The following HIVEP3 variants were observed in gnomAD, a reference collection of about 807,000 sequenced individuals.
The protein encoded by HIVEP3 is HIVEP zinc finger 3, also known as transcription factor HIVEP3.
HIVEP3 carries 49 observed loss-of-function variants against 152.8 expected under a neutral mutation model. The observed-to-expected ratio is 0.32, with a 90% CI of 0.26 to 0.41. The LOEUF is 0.41. Among genes scored for constraint, HIVEP3 ranks in the 10% least tolerant of loss-of-function variants. The pLI, the probability that HIVEP3 is intolerant of heterozygous loss-of-function variation, is 1.00. For missense variants in HIVEP3, 2,790 were observed against 3,103.3 expected (o/e 0.90, Z 2.40); for synonymous variants, 1,269 against 1,289.0 (o/e 0.98, Z 0.33).
Position 41,580,569 on chromosome 1 carries a change from A to C in HIVEP3, c.4229T>G (p.Leu1410Arg), listed in dbSNP as rs1644387053. The C allele has an allele frequency of 1.2e-6, 2 of 1,614,128 alleles. No homozygotes were observed. The highest frequency in any genetic ancestry group is 1.7e-6 in the Non-Finnish European group (2 of 1,180,054). Residue 1410 changes from leucine (L) to arginine (R), a missense_variant, in exon 4 of 9, where the codon CTG becomes CGG. By Grantham distance (102) the Leu-to-Arg change is moderately radical (BLOSUM62 -2). Transcript: ENST00000372583. The part of the protein sequence containing the change: ...VTLPERKGTS[L>R]SSESILSLEG... ...CAGGCTCAAGATACTCTCTGATGAC[A>C]GGGAAGTGCCTTTTCTTTCAGGTAA... is the stretch of plus-strand genomic sequence containing the variant.
Position 41,643,906 on chromosome 1 carries a change from T to TG in HIVEP3, c.-720-14960dup, listed in dbSNP as rs1553242265. Among the ~76,000 whole-genome samples, 39 of 143,602 alleles carry TG rather than the reference T, an allele frequency of 2.7e-4. 1 individual carries two copies. Among genetic ancestry groups the TG allele is most frequent in the Non-Finnish European group, 4.8e-4 (31 of 65,234 alleles). The allele number at this position is 143,602 out of a possible 152,430, so 94.2% of individuals were successfully genotyped here. A position where few individuals can be genotyped will look rare whatever the true frequency, so the allele number is the denominator to read the frequency against. ...TCCCATCCTCTTTTTTTTTTTTTTT[T>TG]GACAGGGTCTGGCTCTGTTGCCTAG... is the stretch of plus-strand genomic sequence containing the variant. On this transcript the variant is annotated intron_variant, in intron 2 of 8. Coordinates refer to ENST00000372583, the MANE Select transcript of HIVEP3 (RefSeq NM_024503.5).
chr1:41,791,328 A>T (rs528997861), intron 1 of HIVEP3, among the ~76,000 whole-genome samples: 3 of 152,324 alleles, frequency 2.0e-5, no homozygotes, highest in African/African-American at 7.2e-5. Flanking sequence ...TTGCTGAAAC[A>T]GAGCATTTTG....
At chr1:41,590,233 G>A (rs1441275160) in intron 3 of HIVEP3, among the ~76,000 whole-genome samples, 2 of 152,266 alleles carry the variant, frequency 1.3e-5, no homozygotes, top group East Asian at 3.8e-4. Context: ...CAAAGAGAGA[G>A]GCCAAGGTCA....
At chr1:41,785,925 GGCAGGGAGGTTGCA>G (rs1260595506) in intron 1 of HIVEP3, among the ~76,000 whole-genome samples, 1 of 152,220 alleles carries the variant, frequency 6.6e-6, no homozygotes, top group African/African-American at 2.4e-5. Flanking sequence ...CAACCCGGGA[GGCAGGGAGGTTGCA>G]GCGAGCCAAG....
chr1:41,666,156 T>TGC (rs1408660526), intron 2 of HIVEP3, among the ~76,000 whole-genome samples: 2 of 152,066 alleles, frequency 1.3e-5, no homozygotes, highest in Non-Finnish European at 2.9e-5. Context: ...TGTGTGTGTG[T>TGC]GCATGTGCAC....
chr1:41,938,688 C>G (rs1645031754), intron 1 of HIVEP3, among the ~76,000 whole-genome samples: 1 of 152,174 alleles, frequency 6.6e-6, no homozygotes, highest in African/African-American at 2.4e-5. Context: ...GCCTGCAGTT[C>G]AAATGCATTT....
intron 1 of HIVEP3, among the ~76,000 whole-genome samples, chr1:41,953,255 G>C (rs1416908351): frequency 6.6e-6 from 1 of 152,306 alleles, no homozygotes; most frequent in Admixed American, 6.5e-5. Context: ...TTATGAGGGA[G>C]GCAGCGGCAG....
At chr1:41,885,303 C>T (rs1416772496) in intron 1 of HIVEP3, among the ~76,000 whole-genome samples, 1 of 152,066 alleles carries the variant, frequency 6.6e-6, no homozygotes, top group African/African-American at 2.4e-5. Flanking sequence ...TAGGGATCCC[C>T]TAGGGCTGCT....
Position 41,513,541 on chromosome 1 carries a change from A to C in HIVEP3, c.5680T>G (p.Ser1894Ala), listed in dbSNP as rs1642513652. ...PGPPHALRAD[S>A]SPILGPQPPD... Reference sequence around the variant, plus strand: ...GGCTGAGGGCCCAGGATGGGTGAGGAGTCTGCCCGCAGTGCATGTGGTGGG... The same window carrying C: ...GGCTGAGGGCCCAGGATGGGTGAGGCGTCTGCCCGCAGTGCATGTGGTGGG... Residue 1894 changes from serine to alanine, a missense_variant, in exon 8 of 9, where the codon TCC becomes GCC. Ser to Ala is a moderately conservative substitution (Grantham distance 99). This residue lies in a region of HIVEP3 where 816 missense variants were observed against 806.5 expected (regional missense o/e 1.01). Transcript: ENST00000372583. 2 of 1,608,516 alleles carry C rather than the reference A, an allele frequency of 1.2e-6. No homozygotes were observed. The highest frequency in any genetic ancestry group is 1.7e-6 in the Non-Finnish European group (2 of 1,178,064).
chr1:41,870,385 C>T (rs1029565039), intron 1 of HIVEP3, among the ~76,000 whole-genome samples: 3 of 152,144 alleles, frequency 2.0e-5, no homozygotes, highest in African/African-American at 7.2e-5. Flanking sequence ...TAAATAATCA[C>T]ACACACAATA....
intron 1 of HIVEP3, among the ~76,000 whole-genome samples, chr1:41,702,722 A>G (rs113165254): frequency 3.5e-4 from 53 of 152,362 alleles, no homozygotes; most frequent in African/African-American, 1.2e-3. Flanking sequence ...GTCTCCCCAC[A>G]GAGTCTAGCA....
intron 3 of HIVEP3, among the ~76,000 whole-genome samples, chr1:41,618,536 G>A (rs1449171572): frequency 1.3e-5 from 2 of 152,092 alleles, no homozygotes; most frequent in Non-Finnish European, 2.9e-5. Context: ...CCATCCTCGG[G>A]CACCACTCAT....
At chr1:41,748,869 C>G (rs1275018632) in intron 1 of HIVEP3, among the ~76,000 whole-genome samples, 1 of 152,194 alleles carries the variant, frequency 6.6e-6, no homozygotes, top group Admixed American at 6.5e-5. Flanking sequence ...AATGGGGATA[C>G]CACTTTCCAT....
intron 1 of HIVEP3, chr1:41,847,556 T>G (rs1300139924): frequency 1.3e-5 from 2 of 152,388 alleles, no homozygotes; most frequent in Non-Finnish European, 2.9e-5. Flanking sequence ...TTCCAAAGTT[T>G]TTGTAACAAG....
chr1:41,770,429 G>A (rs959754481), intron 1 of HIVEP3, among the ~76,000 whole-genome samples: 5 of 152,112 alleles, frequency 3.3e-5, no homozygotes, highest in Admixed American at 1.3e-4. Flanking sequence ...AGCATGGGCC[G>A]GATGTATTGA....
intron 1 of HIVEP3, among the ~76,000 whole-genome samples, chr1:41,800,706 G>C (rs1388480046): frequency 6.6e-6 from 1 of 152,248 alleles, no homozygotes; most frequent in Non-Finnish European, 1.5e-5. Flanking sequence ...TCCAGTGATA[G>C]AGGATGTGGG....
intron 1 of HIVEP3, among the ~76,000 whole-genome samples, chr1:41,902,345 A>G (rs990177193): frequency 6.6e-6 from 1 of 152,096 alleles, no homozygotes; most frequent in Non-Finnish European, 1.5e-5. Context: ...AGAGTGGAGA[A>G]GCAGGACAGA....
chr1:41,655,819 T>C (rs1645621324), intron 2 of HIVEP3, among the ~76,000 whole-genome samples: 1 of 152,116 alleles, frequency 6.6e-6, no homozygotes, highest in African/African-American at 2.4e-5. Flanking sequence ...TGTACCCCAG[T>C]GCCTAGAGCA....
At chr1:41,909,990 A>T (rs567260033) in intron 1 of HIVEP3, among the ~76,000 whole-genome samples, 2 of 152,136 alleles carry the variant, frequency 1.3e-5, no homozygotes, top group South Asian at 4.1e-4. Flanking sequence ...AATGGGGAAA[A>T]AAGCCTGAAA....
Sources: allele counts gnomAD v4.1 joint callset (sites outside exome capture counted in the v4.1 genomes callset), GRCh38; gene constraint gnomAD v4.1.1; regional missense constraint gnomAD v4.1.1; transcripts MANE v1.5; gene names NCBI Gene and HGNC (gene_info 2026-07-23, HGNC 2026-07-21).